The following RARB variants were observed in gnomAD, a reference collection of about 807,000 sequenced individuals.
RARB encodes the protein retinoic acid receptor beta, also known as HBV-activated protein.
RARB carries 17 observed loss-of-function variants against 51.9 expected under a neutral mutation model. That is an observed-to-expected ratio of 0.33 (90% CI 0.22 to 0.49). RARB has a LOEUF of 0.49. Ranked by LOEUF, RARB falls within the 20% of genes least tolerant of loss-of-function variation. RARB has a pLI of 0.99. For synonymous variants in RARB, 215 were observed against 195.4 expected, an observed-to-expected ratio of 1.10 and a Z score of -0.84; for missense variants, 369 against 550.8, an observed-to-expected ratio of 0.67 and a Z score of 3.30.
chr3:25,305,701 G>A (rs1378143877), intron 5 of RARB, among the ~76,000 whole-genome samples: 2 of 152,124 alleles, frequency 1.3e-5, no homozygotes, highest in Admixed American at 6.5e-5. Flanking sequence ...CTACCTAGTG[G>A]GGGAGAAATT....
At chr3:25,442,578 G>T (rs1216236588) in intron 1 of RARB, among the ~76,000 whole-genome samples, 1 of 151,610 alleles carries the variant, frequency 6.6e-6, no homozygotes, top group African/African-American at 2.4e-5. Flanking sequence ...TTTCCCTTCA[G>T]CCTTTACTCT....
intron 3 of RARB, among the ~76,000 whole-genome samples, chr3:25,506,264 A>C (rs1292296593): frequency 2.0e-5 from 3 of 151,242 alleles, no homozygotes; most frequent in East Asian, 1.9e-4. Flanking sequence ...AAAAAAAAAA[A>C]AAAAAAAAAA....
chr3:24,896,824 A>G lies in RARB; in HGVS notation c.-380+38072A>G, dbSNP rs114744395. 5.5e-3 allele frequency among the ~76,000 whole-genome samples: 843 copies of G among 152,290 alleles called. 8 individuals carry two copies. The highest frequency in any genetic ancestry group is 0.019 in the African/African-American group (799 of 41,566). On this transcript the variant is annotated intron_variant, in intron 2 of 11. Transcript: ENST00000383772. ...GCAGTATAGTCTCCTACAATGGAAA[A>G]ATAGATCTCTATTTCAGACATGTCT... is the stretch of plus-strand genomic sequence containing the variant.
intron 4 of RARB, among the ~76,000 whole-genome samples, chr3:25,577,059 G>A (rs1700965494): frequency 6.6e-6 from 1 of 152,204 alleles, no homozygotes; most frequent in South Asian, 2.1e-4. Context: ...GATCACAGAT[G>A]CAACCACAGG....
chr3:25,164,775 T>A (rs1700533294), intron 4 of RARB, among the ~76,000 whole-genome samples: 1 of 152,254 alleles, frequency 6.6e-6, no homozygotes, highest in African/African-American at 2.4e-5. Flanking sequence ...GCATACATGC[T>A]GAGTTTGACT....
At chr3:25,488,526 C>G (rs1043177210) in intron 2 of RARB, among the ~76,000 whole-genome samples, 1 of 132,030 alleles carries the variant, frequency 7.6e-6, no homozygotes, top group South Asian at 2.1e-4. Context: ...GGCTGAAACA[C>G]CCCCAAAGCT....
At position 25,596,607 on chromosome 3, in the gene RARB, C is replaced by A; in HGVS notation, c.1338C>A (p.Leu446=). Residue 446 remains leucine (L), a synonymous_variant, in exon 8 of 8, where the codon CTC becomes CTA. Transcript: ENST00000330688. The part of the protein sequence containing the change: ...VENSGVSQSP[L]VQ ...ACAGTGGGGTCAGTCAGTCACCACT[C>A]GTGCAATAAGACATTTTCTAGCTAC... 1 of 1,592,738 alleles carries A rather than the reference C, an allele frequency of 6.3e-7. No homozygotes were observed. Among genetic ancestry groups the A allele is most frequent in the South Asian group, 1.1e-5 (1 of 89,220 alleles).
intron 4 of RARB, among the ~76,000 whole-genome samples, chr3:25,162,769 A>G (rs1700493073): frequency 6.6e-6 from 1 of 152,184 alleles, no homozygotes; most frequent in Non-Finnish European, 1.5e-5. Flanking sequence ...TTCCCTTTTT[A>G]TGGTCAATCA....
intron 2 of RARB, among the ~76,000 whole-genome samples, chr3:24,903,312 G>A (rs1210411884): frequency 6.6e-6 from 1 of 151,936 alleles, no homozygotes; most frequent in Non-Finnish European, 1.5e-5. Context: ...GTGAAGTAGA[G>A]GAAGGGAAAC....
intron 3 of RARB, among the ~76,000 whole-genome samples, chr3:25,552,414 G>A (rs1440248755): frequency 3.3e-5 from 5 of 151,966 alleles, no homozygotes; most frequent in Admixed American, 1.3e-4. Context: ...GGGGGAGGGC[G>A]GCCAATTCTT....
At chr3:25,307,974 C>T (rs981052949) in intron 5 of RARB, among the ~76,000 whole-genome samples, 1 of 152,158 alleles carries the variant, frequency 6.6e-6, no homozygotes, top group Admixed American at 6.5e-5. Flanking sequence ...GCCAGCAAAG[C>T]CTAAAGTACT....
At chr3:25,096,012 G>T (rs1673784985) in intron 3 of RARB, among the ~76,000 whole-genome samples, 1 of 152,092 alleles carries the variant, frequency 6.6e-6, no homozygotes, top group Admixed American at 6.6e-5. Flanking sequence ...CTTCTCTCCT[G>T]CCTCTTTCCC....
intron 2 of RARB, among the ~76,000 whole-genome samples, chr3:24,909,534 G>A (rs1379794499): frequency 6.6e-6 from 1 of 151,830 alleles, no homozygotes; most frequent in African/African-American, 2.4e-5. Flanking sequence ...TTCCATCTTG[G>A]AAGTACTTAT....
chr3:25,230,154 T>G (rs905282632), intron 5 of RARB, among the ~76,000 whole-genome samples: 2 of 152,156 alleles, frequency 1.3e-5, no homozygotes, highest in African/African-American at 2.4e-5. Flanking sequence ...CATTCTATTT[T>G]ATATAGAAAC....
intron 5 of RARB, among the ~76,000 whole-genome samples, chr3:25,403,046 C>T (rs1261848756): frequency 2.0e-5 from 3 of 151,676 alleles, no homozygotes; most frequent in Admixed American, 2.0e-4. Flanking sequence ...GCCTGTAGTC[C>T]CAGCTACTTG....
At chr3:25,492,016 C>T (rs1696766470) in intron 2 of RARB, among the ~76,000 whole-genome samples, 1 of 152,176 alleles carries the variant, frequency 6.6e-6, no homozygotes, top group Admixed American at 6.5e-5. Context: ...AGCTCTGGGC[C>T]CTTCTAGATG....
chr3:24,952,017 T>C (rs1430269800), intron 2 of RARB, among the ~76,000 whole-genome samples: 1 of 152,220 alleles, frequency 6.6e-6, no homozygotes, highest in African/African-American at 2.4e-5. Context: ...TGCAATCTTT[T>C]ACTATCTGTT....
At chr3:25,187,484 T>C (rs1456694757) in intron 5 of RARB, among the ~76,000 whole-genome samples, 1 of 152,112 alleles carries the variant, frequency 6.6e-6, no homozygotes, top group East Asian at 1.9e-4. Context: ...GTTACATTTT[T>C]ATAGCTTATT....
At chr3:25,289,895 A>G (rs1171360333) in intron 5 of RARB, among the ~76,000 whole-genome samples, 2 of 152,144 alleles carry the variant, frequency 1.3e-5, no homozygotes, top group Non-Finnish European at 2.9e-5. Flanking sequence ...TTTGTGGGGA[A>G]TGAGGCTACC....
Sources: allele counts gnomAD v4.1 joint callset (sites outside exome capture counted in the v4.1 genomes callset), GRCh38; gene constraint gnomAD v4.1.1; transcripts MANE v1.5; gene names NCBI Gene and HGNC (gene_info 2026-07-23, HGNC 2026-07-21).